Variants in CSMD3 observed in about 807,000 individuals in gnomAD.
The protein encoded by CSMD3 is CUB and sushi domain-containing protein 3.
In CSMD3, 177 loss-of-function variants were observed where a neutral mutation model predicts 435.2. That is an observed-to-expected ratio of 0.41 (90% CI 0.36 to 0.46). The LOEUF (loss-of-function observed/expected upper bound fraction) is 0.46, where lower values mean the gene tolerates loss of function less well. Ranked by LOEUF, CSMD3 falls within the 20% of genes least tolerant of loss-of-function variation. The probability of loss-of-function intolerance (pLI) is 0.34; values close to 1 mark genes in which losing one functional copy is unlikely to be tolerated. For missense variants in CSMD3, 4,265 were observed against 4,504.6 expected, an observed-to-expected ratio of 0.95 and a Z score of 1.52; for synonymous variants, 1,656 against 1,520.5, an observed-to-expected ratio of 1.09 and a Z score of -2.07.
At chr8:112,570,588 G>T (rs1266263487) in intron 24 of CSMD3, among the ~76,000 whole-genome samples, 2 of 152,162 alleles carry the variant, frequency 1.3e-5, no homozygotes, top group African/African-American at 2.4e-5. Flanking sequence ...TATACTTGGA[G>T]GATGGGAACA....
chr8:112,365,021 T>G (rs550048838), intron 38 of CSMD3, among the ~76,000 whole-genome samples: 1 of 152,106 alleles, frequency 6.6e-6, no homozygotes, highest in Non-Finnish European at 1.5e-5. Flanking sequence ...CAAGTAATGA[T>G]GTAGCTTTAT....
At chr8:113,381,140 A>G (rs2094413482) in intron 1 of CSMD3, among the ~76,000 whole-genome samples, 1 of 152,204 alleles carries the variant, frequency 6.6e-6, no homozygotes, top group Non-Finnish European at 1.5e-5. Context: ...TCTTTATTTG[A>G]CAAAACTGGT....
intron 9 of CSMD3, among the ~76,000 whole-genome samples, chr8:112,929,507 A>C (rs2130696470): frequency 6.6e-6 from 1 of 152,156 alleles, no homozygotes; most frequent in African/African-American, 2.4e-5. Flanking sequence ...AATACTTGTC[A>C]CTATATGATG....
chr8:112,456,558 C>T (rs1287408183), intron 32 of CSMD3, among the ~76,000 whole-genome samples: 1 of 151,960 alleles, frequency 6.6e-6, no homozygotes, highest in Non-Finnish European at 1.5e-5. Flanking sequence ...AATCATATTT[C>T]TAAAATGTCA....
chr8:112,882,175 T>C (rs952060569), intron 10 of CSMD3, among the ~76,000 whole-genome samples: 9 of 151,908 alleles, frequency 5.9e-5, no homozygotes, highest in Non-Finnish European at 1.5e-5. Flanking sequence ...CCAGAGTCTT[T>C]ATGTCAAAAG....
rs535159780 is a variant in CSMD3, at chr8:113,325,049, C to G, written c.179-10256G>C. On this transcript the variant is annotated intron_variant, in intron 1 of 70. Transcript: ENST00000297405. ...CTGTATTTACCCAAAGCCTGTACCC[C>G]CATTGTATCTAGGAAGTAACTAACT... Among the ~76,000 whole-genome samples the G allele has an allele frequency of 4.1e-4, 62 of 152,214 alleles. 1 individual carries two copies. The highest frequency in any genetic ancestry group is 3.9e-3 in the Admixed American group (60 of 15,288).
At chr8:112,614,002 T>G (rs1481010185) in intron 22 of CSMD3, among the ~76,000 whole-genome samples, 1 of 152,000 alleles carries the variant, frequency 6.6e-6, no homozygotes, top group African/African-American at 2.4e-5. Flanking sequence ...AAACAATAAG[T>G]CAGATGGTTG....
intron 22 of CSMD3, among the ~76,000 whole-genome samples, chr8:112,593,077 G>A (rs1464877698): frequency 6.6e-6 from 1 of 152,260 alleles, no homozygotes; most frequent in Non-Finnish European, 1.5e-5. Context: ...GGGATTCCAG[G>A]CAGAGTGAAA....
At chr8:112,373,202 C>G (rs2131192611) in intron 38 of CSMD3, among the ~76,000 whole-genome samples, 1 of 151,844 alleles carries the variant, frequency 6.6e-6, no homozygotes, top group South Asian at 2.1e-4. Flanking sequence ...AAAAAATAAA[C>G]ACTATCCTTT....
At chr8:112,699,192 C>T (rs972907474) in intron 13 of CSMD3, among the ~76,000 whole-genome samples, 14 of 152,226 alleles carry the variant, frequency 9.2e-5, no homozygotes, top group South Asian at 4.1e-4. Flanking sequence ...GCTCACTCTT[C>T]GGGTCCGCAG....
rs368410718 is a variant in CSMD3 at position 113,356,192 on chromosome 8, C to G, written c.179-41399G>C. 2.0e-5 allele frequency among the ~76,000 whole-genome samples: 3 copies of G among 152,154 alleles called. No individual in the cohort carries two copies. The East Asian group carries it at 5.8e-4, about 30-fold the overall frequency. ...AGTTTGTTTAAAAATCTGCCTTTCT[C>G]CACCAAAATTTGAGCATTAGGAAAC... On this transcript the variant is annotated intron_variant, in intron 1 of 70. Coordinates refer to ENST00000297405, the MANE Select transcript of CSMD3 (RefSeq NM_198123.2).
At chr8:112,862,786 T>A (rs1025452363) in intron 10 of CSMD3, among the ~76,000 whole-genome samples, 1 of 152,058 alleles carries the variant, frequency 6.6e-6, no homozygotes, top group African/African-American at 2.4e-5. Flanking sequence ...AGTTACAATA[T>A]GTGAGCATTT....
chr8:113,264,469 T>C (rs1482233267), intron 3 of CSMD3, among the ~76,000 whole-genome samples: 1 of 151,210 alleles, frequency 6.6e-6, no homozygotes, highest in African/African-American at 2.4e-5. Context: ...ATCACTTTAT[T>C]TCTGGAGAAT....
chr8:112,930,821 T>G (rs931401139), intron 9 of CSMD3, among the ~76,000 whole-genome samples: 13 of 152,116 alleles, frequency 8.5e-5, no homozygotes, highest in African/African-American at 3.1e-4. Flanking sequence ...CAATCTTTTA[T>G]ACACTGGAAG....
chr8:112,371,661 G>A (rs1037412114), intron 38 of CSMD3, among the ~76,000 whole-genome samples: 2 of 152,124 alleles, frequency 1.3e-5, no homozygotes, highest in Non-Finnish European at 2.9e-5. Flanking sequence ...AGGCCGAGGC[G>A]GGCGTATTAC....
At chr8:112,679,899 G>A (rs1240113897) in intron 16 of CSMD3, among the ~76,000 whole-genome samples, 1 of 152,094 alleles carries the variant, frequency 6.6e-6, no homozygotes, top group African/African-American at 2.4e-5. Context: ...GGGTAACTTT[G>A]GAGCTACTTA....
At chr8:113,335,359 T>A (rs1356614181) in intron 1 of CSMD3, among the ~76,000 whole-genome samples, 1 of 152,040 alleles carries the variant, frequency 6.6e-6, no homozygotes, top group Non-Finnish European at 1.5e-5. Flanking sequence ...TGTGTCATCT[T>A]TTTTCTTTGT....
intron 3 of CSMD3, among the ~76,000 whole-genome samples, chr8:113,210,580 T>C (rs2092822309): frequency 6.6e-6 from 1 of 151,610 alleles, no homozygotes; most frequent in Admixed American, 6.6e-5. Context: ...AGGAGAAAAT[T>C]GAATCTTAGA....
At chr8:113,361,998 G>A (rs1213047121) in intron 1 of CSMD3, among the ~76,000 whole-genome samples, 2 of 152,100 alleles carry the variant, frequency 1.3e-5, no homozygotes, top group East Asian at 1.9e-4. Flanking sequence ...AGATCTATAA[G>A]CTCTGATTGG....
Sources: allele counts gnomAD v4.1 joint callset (sites outside exome capture counted in the v4.1 genomes callset), GRCh38; gene constraint gnomAD v4.1.1; transcripts MANE v1.5; gene names NCBI Gene and HGNC (gene_info 2026-07-23, HGNC 2026-07-21).